Variants in PADI6 observed in about 807,000 individuals in gnomAD.
The protein encoded by PADI6 is peptidyl arginine deiminase 6, also known as inactive protein-arginine deiminase type-6.
A neutral mutation model predicts 78.2 loss-of-function variants in PADI6; 66 were observed. The observed-to-expected ratio is 0.84, with a 90% CI of 0.69 to 1.04. The LOEUF (loss-of-function observed/expected upper bound fraction) is 1.04. PADI6 is among the 50% of genes least tolerant of loss of function. The pLI, the probability that PADI6 is intolerant of heterozygous loss-of-function variation, is 0.00. For missense variants in PADI6, 854 were observed against 866.1 expected (o/e 0.99, Z 0.18); for synonymous variants, 397 against 346.9 (o/e 1.14, Z -1.60).
intron 8 of PADI6, among the ~76,000 whole-genome samples, chr1:17,389,844 A>G (rs2100311187): frequency 6.6e-6 from 1 of 152,324 alleles, no homozygotes; most frequent in Admixed American, 6.5e-5. Context: ...GTCCGCAGGT[A>G]GGACACCCCC....
chr1:17,376,033 G>C (rs138465107), intron 3 of PADI6, among the ~76,000 whole-genome samples: 1 of 151,488 alleles, frequency 6.6e-6, no homozygotes, highest in Non-Finnish European at 1.5e-5. Context: ...GGAGTACAGT[G>C]GCATGATCTC....
intron 5 of PADI6, 55 bp downstream of exon 5, chr1:17,381,219 T>G: frequency 7.0e-7 from 1 of 1,421,328 alleles, no homozygotes; most frequent in East Asian, 2.5e-5. Flanking sequence ...CTGCCCTGCT[T>G]CTCAGCAAAT....
In PADI6 at chr1:17,395,014, G is replaced by A. The variant is rs762710716; in HGVS notation, c.1401G>A (p.Ala467=). Residue 467 remains alanine, a synonymous_variant, in exon 12 of 16, where the codon GCG becomes GCA. Coordinates refer to ENST00000619609, the MANE Select transcript of PADI6 (RefSeq NM_207421.4). ...TCCTCTATGCCCAGCAGGTCCAAGC[G>A]CCGGTGGAGCTCTACTCAGATTGGC... is the stretch of plus-strand genomic sequence containing the variant. ...RDFLYAQQVQ[A]PVELYSDWLM... 25 of 1,613,590 alleles carry A rather than the reference G, an allele frequency of 1.5e-5. No homozygotes were observed. The highest frequency in any genetic ancestry group is 2.7e-5 in the African/African-American group (2 of 74,854).
At chr1:17,396,330 G>C (rs2075247029) in intron 13 of PADI6, among the ~76,000 whole-genome samples, 1 of 152,174 alleles carries the variant, frequency 6.6e-6, no homozygotes, top group South Asian at 2.1e-4. Flanking sequence ...AGGTTGCGGT[G>C]AGCTAAGATC....
intron 8 of PADI6, among the ~76,000 whole-genome samples, chr1:17,389,116 G>A (rs1042716742): frequency 1.3e-5 from 2 of 152,142 alleles, no homozygotes; most frequent in African/African-American, 4.8e-5. Context: ...AGGGCCAAAC[G>A]GCATGGTTTT....
At position 17,401,409 on chromosome 1, in the gene PADI6, G is replaced by C; in HGVS notation, c.2056G>C (p.Ala686Pro). 6.2e-7 allele frequency: 1 copy of C among 1,614,010 alleles called. No homozygotes were observed. The highest frequency in any genetic ancestry group is 8.5e-7 in the Non-Finnish European group (1 of 1,179,900). The change falls in exon 16 of 16, where the codon GCC becomes CCC. Residue 686 changes from alanine to proline, a missense_variant. Physicochemically the swap from Ala to Pro is conservative, Grantham distance 27. Transcript: ENST00000619609. ...ACANIRRVPF[A>P]FKWWKMVP is the part of the protein sequence containing the mutation. ...TGCCAACATCCGCCGGGTGCCCTTT[G>C]CCTTCAAATGGTGGAAGATGGTACC...
At chr1:17,397,432 G>GT (rs760993551) in intron 14 of PADI6, among the ~76,000 whole-genome samples, 5 of 152,190 alleles carry the variant, frequency 3.3e-5, no homozygotes, top group African/African-American at 4.8e-5. Context: ...GCTTTCTATG[G>GT]TGTCAGATGG....
At chr1:17,384,644 C>CG (rs1160640710) in intron 6 of PADI6, among the ~76,000 whole-genome samples, 1 of 151,768 alleles carries the variant, frequency 6.6e-6, no homozygotes, top group East Asian at 1.9e-4. Context: ...GAGACTGAGG[C>CG]GGGAGGATCA....
Position 17,394,416 on chromosome 1 carries a change from G to A in PADI6, c.1299G>A (p.Pro433=), listed in dbSNP as rs375984648. 2.4e-4 allele frequency: 395 copies of A among 1,613,622 alleles called. 1 individual carries two copies. In the South Asian group the frequency reaches 2.4e-3, roughly 10 times the overall value. ...PPVKVQGKEY[P]LGRVLIGSSF... is the part of the protein sequence containing the mutation. ...TCAAGGTCCAAGGGAAAGAGTACCC[G>A]CTGGGCAGAGTCCTCATTGGCAGCA... is the stretch of plus-strand genomic sequence containing the variant. Residue 433 remains proline (P), a synonymous_variant, in exon 11 of 16, where the codon CCG becomes CCA. Coordinates refer to ENST00000619609, the MANE Select transcript of PADI6 (RefSeq NM_207421.4).
chr1:17,389,223 G>A (rs981797630), intron 8 of PADI6, among the ~76,000 whole-genome samples: 1 of 152,210 alleles, frequency 6.6e-6, no homozygotes, highest in African/African-American at 2.4e-5. Flanking sequence ...CCAGAGAACA[G>A]GTGTGAGCCC....
At chr1:17,375,975 C>CTTTTTTTTTTTTTTT (rs575076756) in intron 3 of PADI6, among the ~76,000 whole-genome samples, 7 of 150,232 alleles carry the variant, frequency 4.7e-5, no homozygotes, top group African/African-American at 1.7e-4. Flanking sequence ...ATAACATCTA[C>CTTTTTTTTTTTTTTT]TTTTTTTTTC....
intron 6 of PADI6, 39 bp downstream of exon 6, chr1:17,382,131 C>T (rs747976426): frequency 1.3e-5 from 21 of 1,606,434 alleles, no homozygotes; most frequent in Admixed American, 3.4e-5. Flanking sequence ...TGCCTGCTCT[C>T]GACGTGCCAG....
chr1:17,372,992 C>T (rs772165983), intron 1 of PADI6, 64 bp from the exon 2 acceptor site: 20 of 1,523,776 alleles, frequency 1.3e-5, no homozygotes, highest in Non-Finnish European at 1.8e-5. Context: ...TCCCCCATGC[C>T]AGTCATCTCC....
intron 6 of PADI6, among the ~76,000 whole-genome samples, chr1:17,387,995 G>A (rs1269553109): frequency 6.6e-6 from 1 of 152,224 alleles, no homozygotes; most frequent in African/African-American, 2.4e-5. Flanking sequence ...AGGCTGCTGA[G>A]CCCAGCCTGG....
In PADI6 at chr1:17,398,672, C is replaced by CCACG. The variant is rs1553154487; in HGVS notation, c.1690-11_1690-10insGCAC. 139 of 284,926 alleles carry CCACG rather than the reference C, an allele frequency of 4.9e-4. 1 individual carries two copies. Among genetic ancestry groups the CCACG allele is most frequent in the African/African-American group, 3.2e-3 (124 of 38,764 alleles). The allele number at this position is 284,926 out of a possible 1,614,324, so 17.6% of individuals were successfully genotyped here. On this transcript the variant is annotated splice_polypyrimidine_tract_variant and intron_variant, in intron 14 of 15. Transcript: ENST00000619609. ...CTCCCCCGCCCCCCCCCCCACCCAC[C>CCACG]CACCCACCCACAGAAGTGCATTCAC...
chr1:17,380,384 T>A lies in PADI6; in HGVS notation c.435+397T>A, dbSNP rs185600352. 1.5e-3 allele frequency among the ~76,000 whole-genome samples: 225 copies of A among 152,226 alleles called. 1 individual carries two copies. The highest frequency in any genetic ancestry group is 0.01 in the Middle Eastern group (3 of 294). ...GCCACCACACCTGGCTAATTTTTTT[T>A]TGAGACGGAGTCTCGCTCTGTTGCC... On this transcript the variant is annotated intron_variant, in intron 4 of 15. Transcript: ENST00000619609.
chr1:17,388,799 A>G lies in PADI6; in HGVS notation c.881A>G (p.Tyr294Cys), dbSNP rs2075152901. The change falls in exon 8 of 16, where the codon TAC (tyrosine) becomes TGC (cysteine). Residue 294 changes from tyrosine (Y) to cysteine (C), a missense_variant. Tyr to Cys is a radical substitution (Grantham distance 194). Transcript: ENST00000619609. ...CAGTCAATTCCAGAGACTGTGCTGT[A>G]CAAAGACACGGTGGTGTTCCGGGTG... ...QDPSIPETVL[Y>C]KDTVVFRVAP... is the part of the protein sequence containing the mutation. 3 of 1,613,746 alleles carry G rather than the reference A, an allele frequency of 1.9e-6. 1 individual carries two copies. In the Middle Eastern group the frequency reaches 5.0e-4, roughly 267 times the overall value.
Position 17,395,076 on chromosome 1 carries a change from T to TC in PADI6, c.1467dup (p.Thr490HisfsTer3). The TC allele has an allele frequency of 1.2e-6, 2 of 1,613,878 alleles. No homozygotes were observed. Among genetic ancestry groups the TC allele is most frequent in the Non-Finnish European group, 1.7e-6 (2 of 1,179,878 alleles). ...CACGTGGATGAGTTCATGTGCTTCATCCCCACAGATGACAAGAATGAGGGC... is the reference window on the plus strand; with the variant it reads ...CACGTGGATGAGTTCATGTGCTTCATCCCCCACAGATGACAAGAATGAGGGC... On this transcript the variant is annotated frameshift_variant, in exon 12 of 16. Coordinates refer to ENST00000619609, the MANE Select transcript of PADI6 (RefSeq NM_207421.4). LOFTEE classifies it high-confidence loss of function.
rs1030806846 is a variant in PADI6, at chr1:17,381,304, C to G, written c.553+140C>G. 9 of 657,458 alleles carry G rather than the reference C, an allele frequency of 1.4e-5. No individual in the cohort carries two copies. In the African/African-American group the frequency reaches 1.7e-4, roughly 12 times the overall value. The allele number at this position is 657,458 out of a possible 1,614,324, so 40.7% of individuals were successfully genotyped here. ...GTCCCCATGCCTGGGCTGATCAAAC[C>G]TTTTGTCCTGAGTTGTAGATGTATA... On this transcript the variant is annotated intron_variant, in intron 5 of 15. Coordinates refer to ENST00000619609, the MANE Select transcript of PADI6 (RefSeq NM_207421.4).
Sources: allele counts gnomAD v4.1 joint callset (sites outside exome capture counted in the v4.1 genomes callset), GRCh38; gene constraint gnomAD v4.1.1; transcripts MANE v1.5; gene names NCBI Gene and HGNC (gene_info 2026-07-23, HGNC 2026-07-21).